Variants in TRAF7 observed in about 807,000 individuals in gnomAD.
The protein encoded by TRAF7 is TNF receptor associated factor 7, also known as E3 ubiquitin-protein ligase TRAF7.
Under a neutral mutation model 89.3 loss-of-function variants are expected in TRAF7, and 45 were observed. That is an observed-to-expected ratio of 0.50 (90% CI 0.40 to 0.65). The LOEUF is 0.65. Among genes scored for constraint, TRAF7 ranks in the 30% least tolerant of loss-of-function variants. The pLI is 0.00. For synonymous variants in TRAF7, 406 were observed against 369.2 expected (o/e 1.10, Z -1.14); for missense variants, 677 against 918.1 (o/e 0.74, Z 3.39).
chr16:2,173,857 G>GCGGGCGCCCCCC, intron 12 of TRAF7, 21 bp downstream of exon 12: 2 of 1,607,510 alleles, frequency 1.2e-6, no homozygotes, highest in Non-Finnish European at 8.5e-7. Context: ...ACCCGCCGTG[G>GCGGGCGCCCCCC]CTCCCGCCCA....
At chr16:2,164,095 C>T (rs533189173) in intron 2 of TRAF7, 94 bp downstream of exon 2, 348 of 1,215,784 alleles carry the variant, frequency 2.9e-4, no homozygotes, top group Middle Eastern at 1.1e-3. Context: ...AGCGCAGTCC[C>T]GTCCCGAGCT....
intron 4 of TRAF7, among the ~76,000 whole-genome samples, chr16:2,169,701 C>T (rs566054819): frequency 2.6e-5 from 4 of 152,334 alleles, no homozygotes; most frequent in African/African-American, 4.8e-5. Context: ...GGCCTTGTGA[C>T]TCACTTTCTC....
In TRAF7 at chr16:2,174,310, C is replaced by T. The variant is rs777819207; in HGVS notation, c.1323C>T (p.Ile441=). The T allele has an allele frequency of 5.6e-6, 9 of 1,613,080 alleles. No homozygotes were observed. The highest frequency in any genetic ancestry group is 5.3e-5 in the African/African-American group (4 of 74,936). Residue 441 remains isoleucine, a synonymous_variant, in exon 14 of 21, where the codon ATC becomes ATT. Coordinates refer to ENST00000326181, the MANE Select transcript of TRAF7 (RefSeq NM_032271.3). ...AGACACTGGAGGGCCATGATGGCAT[C>T]GTGCTGGCTCTCTGCATCCAGGGGT... ...CQKTLEGHDG[I]VLALCIQGCK...
At position 2,168,187 on chromosome 16, in the gene TRAF7, G is replaced by A; in HGVS notation, c.231+19G>A. ...CAGCATGGTAGGTCCCTACCCCCAGGAGCCCGTGTGAGCCTCAGCCTCCCC... is the reference window on the plus strand; with the variant it reads ...CAGCATGGTAGGTCCCTACCCCCAGAAGCCCGTGTGAGCCTCAGCCTCCCC... On this transcript the variant is annotated intron_variant, in intron 4 of 20. Coordinates refer to ENST00000326181, the MANE Select transcript of TRAF7 (RefSeq NM_032271.3). The surrounding 1 kb of genome is among the most constrained non-coding windows in gnomAD (Gnocchi z 4.1). The A allele has an allele frequency of 6.3e-7, 1 of 1,589,286 alleles. No homozygotes were observed. The highest frequency in any genetic ancestry group is 8.6e-7 in the Non-Finnish European group (1 of 1,168,530).
At chr16:2,160,534 G>A (rs1370692354) in intron 1 of TRAF7, among the ~76,000 whole-genome samples, 1 of 130,448 alleles carries the variant, frequency 7.7e-6, no homozygotes, top group Non-Finnish European at 1.7e-5. Context: ...GGAGGTGCTC[G>A]GGCAGGCGGT....
At position 2,161,940 on chromosome 16, in the gene TRAF7, C is replaced by T. The variant is rs1396571249; in HGVS notation, c.-38-1943C>T. The stretch of plus-strand genomic sequence containing the variant: ...GCCTGGCTGCAGGTGTGTGGCACTG[C>T]CCACACTCAGGAGCCCCTGCCTCTT... On this transcript the variant is annotated intron_variant, in intron 1 of 20. Transcript: ENST00000326181. The surrounding 1 kb of genome is among the most constrained non-coding windows in gnomAD (Gnocchi z 5.2). Among the ~76,000 whole-genome samples the T allele has an allele frequency of 6.6e-6, 1 of 152,234 alleles. No homozygotes were observed. Among genetic ancestry groups the T allele is most frequent in the Non-Finnish European group, 1.5e-5 (1 of 68,028 alleles).
At chr16:2,167,523 C>A (rs2093091400) in intron 3 of TRAF7, among the ~76,000 whole-genome samples, 1 of 152,172 alleles carries the variant, frequency 6.6e-6, no homozygotes, top group South Asian at 2.1e-4. Flanking sequence ...GCCACCAAAG[C>A]TGGGGCCACT....
intron 2 of TRAF7, among the ~76,000 whole-genome samples, chr16:2,164,207 G>C (rs534092413): frequency 1.3e-5 from 2 of 151,214 alleles, no homozygotes; most frequent in Non-Finnish European, 3.0e-5. Flanking sequence ...GTTGGGGCGT[G>C]TTAGTGCTGT....
chr16:2,175,050 AG>A, intron 14 of TRAF7, 60 bp from the exon 15 acceptor site: 2 of 1,608,562 alleles, frequency 1.2e-6, no homozygotes, highest in Non-Finnish European at 1.7e-6. Context: ...GGGCCCTGCC[AG>A]GGCGGTGTCA....
chr16:2,175,986 C>T (rs2093134007), intron 18 of TRAF7, 33 bp downstream of exon 18: 2 of 1,612,260 alleles, frequency 1.2e-6, no homozygotes, highest in African/African-American at 1.3e-5. Context: ...CAAGGCCAGA[C>T]TGTGGCCCCG....
chr16:2,162,927 C>T lies in TRAF7; in HGVS notation c.-38-956C>T, dbSNP rs1295439974. On this transcript the variant is annotated intron_variant, in intron 1 of 20. Transcript: ENST00000326181. The surrounding 1 kb of genome is among the most constrained non-coding windows in gnomAD (Gnocchi z 5.0). ...GCTGCCCAAGTCCTGAAAGTGGGAC[C>T]TGCTCGGGAGGAGGGGCGCCTGCTG... Among the ~76,000 whole-genome samples, 3 of 151,818 alleles carry T rather than the reference C, an allele frequency of 2.0e-5. No individual in the cohort carries two copies. Among genetic ancestry groups the T allele is most frequent in the Non-Finnish European group, 4.4e-5 (3 of 67,948 alleles).
rs534660061 is a variant in TRAF7 at position 2,175,285 on chromosome 16, G to C, written c.1387-16G>C. On this transcript the variant is annotated splice_polypyrimidine_tract_variant and intron_variant, in intron 15 of 20. Coordinates refer to ENST00000326181, the MANE Select transcript of TRAF7 (RefSeq NM_032271.3). ...AGGGCTTGGTGCCCTGAGGCTGCCG[G>C]TCCTTCCCCAATCAGGTGTGGGACA... is the stretch of plus-strand genomic sequence containing the variant. 1 of 1,613,010 alleles carries C rather than the reference G, an allele frequency of 6.2e-7. No homozygotes were observed. Among genetic ancestry groups the C allele is most frequent in the South Asian group, 1.1e-5 (1 of 91,090 alleles).
rs1005492525 is a variant in TRAF7 at position 2,177,526 on chromosome 16, G to A, written c.*952G>A. On this transcript the variant is annotated 3_prime_UTR_variant, in exon 21 of 21. Transcript: ENST00000326181. ...TCTTGGAGGGGGCAGGAGGAGAGAG[G>A]AAAAGGGAGGGCGAGAATGACCACA... The A allele has an allele frequency of 8.5e-6, 2 of 234,056 alleles. No homozygotes were observed. Among genetic ancestry groups the A allele is most frequent in the Non-Finnish European group, 1.7e-5 (2 of 118,622 alleles). 14.5% of individuals were successfully genotyped at this position (234,056 alleles called of 1,614,324 possible).
Position 2,177,938 on chromosome 16 carries a change from GCAGA to G in TRAF7, c.*1368_*1371del, listed in dbSNP as rs1267641629. The stretch of plus-strand genomic sequence containing the variant: ...ACTCTGGCCGGAGGAAGGACCGCAG[GCAGA>G]CAGCCTGGGCCTCTAACAGCTTTTG... On this transcript the variant is annotated 3_prime_UTR_variant, in exon 21 of 21. Transcript: ENST00000326181. 7 of 348,248 alleles carry G rather than the reference GCAGA, an allele frequency of 2.0e-5. No individual in the cohort carries two copies. Among genetic ancestry groups the G allele is most frequent in the South Asian group, 1.5e-4 (5 of 34,146 alleles). The allele number at this position is 348,248 out of a possible 1,614,324, so 21.6% of individuals were successfully genotyped here.
At chr16:2,157,112 C>T (rs1369447139) in intron 1 of TRAF7, among the ~76,000 whole-genome samples, 2 of 151,580 alleles carry the variant, frequency 1.3e-5, no homozygotes, top group East Asian at 1.9e-4. Context: ...TGGGCACACA[C>T]AGGCCCCCTA....
chr16:2,175,728 C>T (rs1475650660), intron 17 of TRAF7, 106 bp downstream of exon 17: 1 of 1,588,294 alleles, frequency 6.3e-7, no homozygotes, highest in Middle Eastern at 1.8e-4. Flanking sequence ...CGCACATCCC[C>T]TGGCTGGGTG....
intron 1 of TRAF7, among the ~76,000 whole-genome samples, chr16:2,157,986 T>A (rs937050549): frequency 6.6e-6 from 1 of 152,120 alleles, no homozygotes; most frequent in Admixed American, 6.5e-5. Context: ...CTGGCTCTAT[T>A]CCGTTTTTCG....
In TRAF7 at chr16:2,161,171, C is replaced by T. The variant is rs1420355143; in HGVS notation, c.-38-2712C>T. On this transcript the variant is annotated intron_variant, in intron 1 of 20. Transcript: ENST00000326181. The surrounding 1 kb of genome is among the most constrained non-coding windows in gnomAD (Gnocchi z 5.2). ...GCAGCCTCCTGTGCAGAGTATCCCC[C>T]TCCTTCCCTCCCTCCTTCCGTCCCC... 6.6e-6 allele frequency among the ~76,000 whole-genome samples: 1 copy of T among 150,538 alleles called. No homozygotes were observed. The highest frequency in any genetic ancestry group is 2.0e-4 in the East Asian group (1 of 5,086).
chr16:2,173,149 C>A (rs750928088), intron 9 of TRAF7, 33 bp from the exon 10 acceptor site: 27 of 1,582,310 alleles, frequency 1.7e-5, no homozygotes, highest in Non-Finnish European at 2.1e-5. Context: ...CCGGCAGGGA[C>A]CCGCCAGGCA....
Sources: gnomAD v4.1 joint callset for allele counts (sites outside exome capture counted in the v4.1 genomes callset) on GRCh38, gnomAD v4.1.1 for gene constraint, Gnocchi (gnomAD v3.1) non-coding constraint, MANE v1.5 for transcripts, NCBI Gene and HGNC (gene_info 2026-07-23, HGNC 2026-07-21) for gene names.